ADAMTS17: variants seen among roughly 807,000 people sequenced by gnomAD.
ADAMTS17 encodes ADAM metallopeptidase with thrombospondin type 1 motif 17, also known as A disintegrin and metalloproteinase with thrombospondin motifs 17.
In ADAMTS17, 113 loss-of-function variants were observed where a neutral mutation model predicts 141.5. That is an observed-to-expected ratio of 0.80 (90% CI 0.69 to 0.93). The LOEUF is 0.93. Ranked by LOEUF, ADAMTS17 falls within the 40% of genes least tolerant of loss-of-function variation. ADAMTS17 has a pLI of 0.00. For synonymous variants in ADAMTS17, 768 were observed against 630.6 expected (o/e 1.22, Z -3.27); for missense variants, 1,659 against 1,517.9 (o/e 1.09, Z -1.54).
intron 18 of ADAMTS17, among the ~76,000 whole-genome samples, chr15:100,028,196 C>A (rs764170486): frequency 7.2e-5 from 11 of 152,192 alleles, no homozygotes; most frequent in Non-Finnish European, 1.3e-4. Context: ...CAGACAGGCG[C>A]AGAATGTTCT....
chr15:100,312,835 C>A (rs1596499387), intron 3 of ADAMTS17, among the ~76,000 whole-genome samples: 2 of 151,418 alleles, frequency 1.3e-5, no homozygotes, highest in African/African-American at 4.8e-5. Flanking sequence ...TACCAAAGGC[C>A]CTGTGACCTA....
rs559363032 is a variant in ADAMTS17 at position 100,124,465 on chromosome 15, T to C, written c.1722-7452A>G. ...TCCGAACGGCCAAAACCAGAGAGAA[T>C]TACTGACAACACCGGTGTCAGTGAG... On this transcript the variant is annotated intron_variant, in intron 12 of 21. Coordinates refer to ENST00000268070, the MANE Select transcript of ADAMTS17 (RefSeq NM_139057.4). Among the ~76,000 whole-genome samples the C allele has an allele frequency of 3.0e-4, 46 of 152,300 alleles. 1 individual carries two copies. The highest frequency in any genetic ancestry group is 9.6e-4 in the African/African-American group (40 of 41,552).
At chr15:100,005,279 T>C (rs1211583445) in intron 18 of ADAMTS17, among the ~76,000 whole-genome samples, 1 of 152,180 alleles carries the variant, frequency 6.6e-6, no homozygotes, top group Non-Finnish European at 1.5e-5. Flanking sequence ...CCCAACTTAA[T>C]GGCTCAAAAT....
intron 4 of ADAMTS17, among the ~76,000 whole-genome samples, chr15:100,272,584 C>G (rs528168839): frequency 9.4e-5 from 5 of 52,982 alleles, no homozygotes; most frequent in Admixed American, 6.8e-4. Flanking sequence ...CTGTCTCTCT[C>G]TCTGTGTGTG....
chr15:100,042,236 T>A (rs570270202), intron 18 of ADAMTS17, among the ~76,000 whole-genome samples: 1 of 152,342 alleles, frequency 6.6e-6, no homozygotes, highest in South Asian at 2.1e-4. Flanking sequence ...TGAATCCATG[T>A]AACCATAGGT....
At chr15:100,133,155 G>T in intron 11 of ADAMTS17, 59 bp downstream of exon 11, 2 of 1,453,498 alleles carry the variant, frequency 1.4e-6, no homozygotes, top group Non-Finnish European at 1.9e-6. Context: ...CAGAAGAGGT[G>T]CCAGTTGCCT....
intron 3 of ADAMTS17, among the ~76,000 whole-genome samples, chr15:100,319,896 C>G (rs543613892): frequency 1.3e-5 from 2 of 152,170 alleles, no homozygotes; most frequent in South Asian, 2.1e-4. Flanking sequence ...TGCCACTGCA[C>G]TCCAGCCTGG....
chr15:100,014,790 A>G (rs1041770260), intron 18 of ADAMTS17, among the ~76,000 whole-genome samples: 2 of 152,178 alleles, frequency 1.3e-5, no homozygotes, highest in African/African-American at 2.4e-5. Context: ...CATACGGTCT[A>G]TCTTGGAGAA....
chr15:100,131,674 T>C lies in ADAMTS17; in HGVS notation c.1721+333A>G, dbSNP rs117871933. On this transcript the variant is annotated intron_variant, in intron 12 of 21. Transcript: ENST00000268070. The stretch of plus-strand genomic sequence containing the variant: ...GCTCCCACATCAGAGACAGCCAGTG[T>C]GGAATGACCCTGGACTTGCTAAACC... Among the ~76,000 whole-genome samples the C allele has an allele frequency of 1.3e-3, 198 of 152,228 alleles. 6 individuals are homozygous for C. In the East Asian group the frequency reaches 0.035, roughly 27 times the overall value.
At chr15:100,096,243 A>G (rs2035748582) in intron 15 of ADAMTS17, 113 bp downstream of exon 15, 1 of 1,552,754 alleles carries the variant, frequency 6.4e-7, no homozygotes. Context: ...CAGGTCACCT[A>G]TCCACTACCA....
chr15:100,061,572 G>A (rs1167215680), intron 15 of ADAMTS17, among the ~76,000 whole-genome samples: 2 of 152,204 alleles, frequency 1.3e-5, no homozygotes, highest in Non-Finnish European at 2.9e-5. Context: ...TGTGCCACAG[G>A]AATGGGAAGT....
At chr15:100,240,112 T>C (rs2042785530) in intron 7 of ADAMTS17, among the ~76,000 whole-genome samples, 2 of 152,188 alleles carry the variant, frequency 1.3e-5, no homozygotes, top group Admixed American at 6.5e-5. Context: ...TACTCATTCC[T>C]GTAACCAGCT....
intron 7 of ADAMTS17, among the ~76,000 whole-genome samples, chr15:100,250,632 G>A (rs939335691): frequency 6.6e-6 from 1 of 152,170 alleles, no homozygotes; most frequent in African/African-American, 2.4e-5. Context: ...TTGTCATGGT[G>A]GATGGACAAA....
chr15:100,143,379 C>T (rs2038749857), intron 10 of ADAMTS17, among the ~76,000 whole-genome samples: 1 of 152,306 alleles, frequency 6.6e-6, no homozygotes, highest in East Asian at 1.9e-4. Context: ...AGTGACTTTG[C>T]TGACAGACAG....
At chr15:100,244,107 A>G (rs2042913737) in intron 7 of ADAMTS17, among the ~76,000 whole-genome samples, 1 of 152,030 alleles carries the variant, frequency 6.6e-6, no homozygotes, top group African/African-American at 2.4e-5. Flanking sequence ...CACATCTTAC[A>G]TGGTGGCAGG....
chr15:100,016,209 G>A (rs983346370), intron 18 of ADAMTS17, among the ~76,000 whole-genome samples: 1 of 152,162 alleles, frequency 6.6e-6, no homozygotes, highest in African/African-American at 2.4e-5. Flanking sequence ...GTTTCCTGAA[G>A]TTTTGATTGT....
chr15:100,086,538 T>A (rs1048245283), intron 15 of ADAMTS17, among the ~76,000 whole-genome samples: 1 of 152,160 alleles, frequency 6.6e-6, no homozygotes, highest in Non-Finnish European at 1.5e-5. Flanking sequence ...ATCAACAGAA[T>A]ATACATTCTT....
chr15:100,246,760 A>T (rs1404361450), intron 7 of ADAMTS17, among the ~76,000 whole-genome samples: 1 of 152,144 alleles, frequency 6.6e-6, no homozygotes, highest in Non-Finnish European at 1.5e-5. Flanking sequence ...ATTTCATCAT[A>T]GCTTTAATTT....
At chr15:100,197,984 T>C (rs1461223503) in intron 8 of ADAMTS17, among the ~76,000 whole-genome samples, 1 of 151,948 alleles carries the variant, frequency 6.6e-6, no homozygotes, top group Non-Finnish European at 1.5e-5. Context: ...TGAGAACACA[T>C]GGACACAGGG....
Sources: allele counts gnomAD v4.1 joint callset (sites outside exome capture counted in the v4.1 genomes callset), GRCh38; gene constraint gnomAD v4.1.1; transcripts MANE v1.5; gene names NCBI Gene and HGNC (gene_info 2026-07-23, HGNC 2026-07-21).